Variants in AIFM1 observed in about 807,000 individuals in gnomAD.
AIFM1 encodes the protein apoptosis-inducing factor 1, mitochondrial.
In AIFM1, 3 loss-of-function variants were observed where a neutral mutation model predicts 51.7. The observed-to-expected ratio is 0.06, with a 90% CI of 0.03 to 0.15. The LOEUF (loss-of-function observed/expected upper bound fraction) is 0.15, where lower values mean the gene tolerates loss of function less well. Among genes scored for constraint, AIFM1 ranks in the 10% least tolerant of loss-of-function variants. The probability of loss-of-function intolerance (pLI) is 1.00; values close to 1 mark genes in which losing one functional copy is unlikely to be tolerated. For synonymous variants in AIFM1, 178 were observed against 179.4 expected, an observed-to-expected ratio of 0.99 and a Z score of 0.06; for missense variants, 330 against 476.8, an observed-to-expected ratio of 0.69 and a Z score of 2.87.
At chrX:130,129,713 TC>T (rs2029980476) in intron 15 of AIFM1, 85 bp from the exon 16 acceptor site, 2 of 908,172 alleles carry the variant, frequency 2.2e-6, no homozygotes, top group Non-Finnish European at 3.2e-6. Flanking sequence ...CCTGGGGCAG[TC>T]CCCATATCAC....
chrX:130,165,174 G>A (rs2031486911), intron 1 of AIFM1, among the ~76,000 whole-genome samples: 1 of 102,546 alleles, frequency 9.8e-6, no homozygotes, highest in Non-Finnish European at 1.9e-5. Context: ...TAGGCGTAGG[G>A]CTTAAACGTC....
Position 130,147,828 on chromosome X carries a change from G to A in AIFM1, c.398C>T (p.Pro133Leu). 1 of 1,211,953 alleles carries A rather than the reference G, an allele frequency of 8.3e-7. No individual in the cohort carries two copies. Among genetic ancestry groups the A allele is most frequent in the Non-Finnish European group, 1.1e-6 (1 of 895,563 alleles). Residue 133 changes from proline (P) to leucine (L), a missense_variant, in exon 4 of 16, where the codon CCT (proline) becomes CTT (leucine). By Grantham distance (98) the Pro-to-Leu change is moderately conservative (BLOSUM62 -3). Transcript: ENST00000287295. Reference sequence around the variant, plus strand: ...TGTGCCTCCACCAATTAGCAGGAAAGGAACATGACTTGGCGCCTTGTCTTG... The same window carrying A: ...TGTGCCTCCACCAATTAGCAGGAAAAGAACATGACTTGGCGCCTTGTCTTG... ...VPQDKAPSHV[P>L]FLLIGGGTAA...
At chrX:130,152,373 A>C (rs2031015562) in intron 2 of AIFM1, among the ~76,000 whole-genome samples, 1 of 111,454 alleles carries the variant, frequency 9.0e-6, no homozygotes, top group Non-Finnish European at 1.9e-5. Flanking sequence ...AAATGTATTT[A>C]TTTCTTTACC....
At chrX:130,156,218 A>C (rs1433005719) in intron 2 of AIFM1, among the ~76,000 whole-genome samples, 1 of 112,169 alleles carries the variant, frequency 8.9e-6, no homozygotes, top group African/African-American at 3.2e-5. Context: ...AGTGGCTTTC[A>C]AGTAAAGAAG....
intron 1 of AIFM1, among the ~76,000 whole-genome samples, chrX:130,163,908 C>T (rs1247477809): frequency 9.3e-6 from 1 of 108,083 alleles, no homozygotes; most frequent in African/African-American, 3.4e-5. Flanking sequence ...GTAATCCCAG[C>T]GCTTTGGGAG....
intron 6 of AIFM1, among the ~76,000 whole-genome samples, chrX:130,141,455 A>G (rs2030576743): frequency 8.9e-6 from 1 of 112,057 alleles, no homozygotes; most frequent in African/African-American, 3.2e-5. Flanking sequence ...AGTCTCCTAC[A>G]TCTACAACAT....
chrX:130,140,107 G>A (rs1220358217), intron 7 of AIFM1, among the ~76,000 whole-genome samples: 1 of 112,314 alleles, frequency 8.9e-6, no homozygotes, highest in Non-Finnish European at 1.9e-5. Flanking sequence ...GCCCCTAGGT[G>A]GCCAAAAGGC....
rs2030801937 is a variant in AIFM1, at chrX:130,147,600, A to G, written c.498T>C (p.Pro166=). Residue 166 remains proline, a synonymous_variant, in exon 5 of 16, where the codon CCT becomes CCC. Transcript: ENST00000287295. ...GARVLIVSED[P]ELPYMRPPLS... ...GAGGAGGTCGCATGTACGGCAGCTC[A>G]GGATCTTCAGATACAATCAGTACCT... The G allele has an allele frequency of 8.2e-7, 1 of 1,212,285 alleles. No individual in the cohort carries two copies. The highest frequency in any genetic ancestry group is 3.0e-5 in the East Asian group (1 of 33,883).
intron 2 of AIFM1, among the ~76,000 whole-genome samples, chrX:130,152,111 G>GAGAAA (rs1312253945): frequency 3.0e-5 from 3 of 98,468 alleles, no homozygotes; most frequent in African/African-American, 7.5e-5. Context: ...GAGAAGAGAA[G>GAGAAA]AGAAAAGAAA....
At position 130,138,652 on chromosome X, in the gene AIFM1, A is replaced by G; in HGVS notation, c.908T>C (p.Ile303Thr). The change falls in exon 9 of 16, where the codon ATT (isoleucine) becomes ACT (threonine). Residue 303 changes from isoleucine to threonine, a missense_variant. Physicochemically the swap from Ile to Thr is moderately conservative, Grantham distance 89. This residue lies in a region of AIFM1 where 152 missense variants were observed against 292.8 expected (regional missense o/e 0.52). Transcript: ENST00000287295. The part of the protein sequence containing the change: ...LEKISREVKS[I>T]TIIGGGFLGS... Reference sequence around the variant, plus strand: ...AAGGAAGCCCCCACCGATAATCGTAATTGATTTGACTTCCCGTGAAATCTT... The same window carrying G: ...AAGGAAGCCCCCACCGATAATCGTAGTTGATTTGACTTCCCGTGAAATCTT... 8.3e-7 allele frequency: 1 copy of G among 1,210,941 alleles called. No homozygotes were observed. Among genetic ancestry groups the G allele is most frequent in the Non-Finnish European group, 1.1e-6 (1 of 895,008 alleles).
At chrX:130,156,945 T>C (rs1454144087) in intron 1 of AIFM1, among the ~76,000 whole-genome samples, 4 of 111,595 alleles carry the variant, frequency 3.6e-5, no homozygotes, top group Non-Finnish European at 5.6e-5. Flanking sequence ...ACTGAATAGG[T>C]AGATATACAA....
chrX:130,135,077 T>C (rs2030268090), intron 12 of AIFM1, among the ~76,000 whole-genome samples: 1 of 108,858 alleles, frequency 9.2e-6, no homozygotes, highest in Admixed American at 9.9e-5. Flanking sequence ...ATTGACCACA[T>C]ATTACTTTTT....
intron 3 of AIFM1, 174 bp from the exon 4 acceptor site, chrX:130,148,050 C>T: frequency 3.5e-6 from 2 of 569,897 alleles, no homozygotes; most frequent in Non-Finnish European, 5.7e-6. Context: ...AGAGGAAAAG[C>T]AAGTATCCCT....
intron 3 of AIFM1, among the ~76,000 whole-genome samples, chrX:130,149,067 G>A (rs183637300): frequency 2.9e-4 from 31 of 106,667 alleles, no homozygotes; most frequent in Admixed American, 2.6e-3. Flanking sequence ...GATTACAGGC[G>A]TGCACCACCA....
At chrX:130,145,424 C>T (rs977654590) in intron 6 of AIFM1, 55 bp downstream of exon 6, 1 of 925,417 alleles carries the variant, frequency 1.1e-6, no homozygotes, top group Non-Finnish European at 1.6e-6. Flanking sequence ...CATCACCATA[C>T]TGGCTGGTGG....
rs146489621 is a variant in AIFM1 at position 130,133,222 on chromosome X, G to A, written c.1448+91C>T. 3.8e-5 allele frequency: 42 copies of A among 1,115,592 alleles called. No homozygotes were observed. The East Asian group carries it at 1.1e-3, about 30-fold the overall frequency. The allele number at this position is 1,115,592 out of a possible 1,213,427, so 91.9% of individuals were successfully genotyped here. ...TTTCCCTTCTGTATGAAGCTAACTG[G>A]CTCATAATAAAACCAAACCATAACT... On this transcript the variant is annotated intron_variant, in intron 13 of 15. Coordinates refer to ENST00000287295, the MANE Select transcript of AIFM1 (RefSeq NM_004208.4).
chrX:130,145,770 G>T (rs1258773895), intron 5 of AIFM1, among the ~76,000 whole-genome samples: 1 of 111,843 alleles, frequency 8.9e-6, no homozygotes, highest in Non-Finnish European at 1.9e-5. Context: ...GGGCAATTTT[G>T]CTCCCAGGGG....
At chrX:130,151,030 T>C (rs1444172640) in intron 2 of AIFM1, among the ~76,000 whole-genome samples, 1 of 108,488 alleles carries the variant, frequency 9.2e-6, no homozygotes, top group Non-Finnish European at 1.9e-5. Flanking sequence ...TGCTCTTTTG[T>C]ACCCCACAGG....
rs189094186 is a variant in AIFM1 at position 130,139,626 on chromosome X, T to C, written c.858+169A>G. On this transcript the variant is annotated intron_variant, in intron 8 of 15. Coordinates refer to ENST00000287295, the MANE Select transcript of AIFM1 (RefSeq NM_004208.4). ...GAGCTTAAAACCCTTGAGTGAGGTA[T>C]CTGAGGTGCAGAGAGAGGAAGTGAC... is the stretch of plus-strand genomic sequence containing the variant. Among the ~76,000 whole-genome samples the C allele has an allele frequency of 3.3e-4, 37 of 110,910 alleles. No homozygotes were observed. The highest frequency in any genetic ancestry group is 2.8e-4 in the Non-Finnish European group (15 of 52,953).
Sources: gnomAD v4.1 joint callset for allele counts (sites outside exome capture counted in the v4.1 genomes callset) on GRCh38, gnomAD v4.1.1 for gene constraint, gnomAD v4.1.1 regional missense constraint, MANE v1.5 for transcripts, NCBI Gene and HGNC (gene_info 2026-07-23, HGNC 2026-07-21) for gene names.